Variants in PSD3 observed in about 807,000 individuals in gnomAD.
The protein encoded by PSD3 is pleckstrin and Sec7 domain containing 3.
PSD3 carries 49 observed loss-of-function variants against 105.5 expected under a neutral mutation model. That is an observed-to-expected ratio of 0.46 (90% CI 0.37 to 0.59). The LOEUF is 0.59. Among genes scored for constraint, PSD3 ranks in the 20% least tolerant of loss-of-function variants. The pLI is 0.00. For synonymous variants in PSD3, 557 were observed against 457.8 expected, an observed-to-expected ratio of 1.22 and a Z score of -2.77; for missense variants, 1,561 against 1,263.8, an observed-to-expected ratio of 1.24 and a Z score of -3.57.
At chr8:18,979,704 GTTTTTC>G (rs1435354869) in intron 1 of PSD3, 14 of 184,714 alleles carry the variant, frequency 7.6e-5, no homozygotes, top group African/African-American at 3.3e-4. Flanking sequence ...CAAGGGACAA[GTTTTTC>G]ACTAACACCA....
intron 9 of PSD3, among the ~76,000 whole-genome samples, chr8:18,657,207 C>G (rs140786146): frequency 1.3e-4 from 20 of 152,304 alleles, no homozygotes; most frequent in African/African-American, 4.1e-4. Context: ...TCCTTTCGCC[C>G]TTAACATTGT....
chr8:19,013,549 G>A lies in PSD3; in HGVS notation c.21+14C>T, dbSNP rs1554569339. 1 of 1,568,692 alleles carries A rather than the reference G, an allele frequency of 6.4e-7. No homozygotes were observed. The highest frequency in any genetic ancestry group is 8.6e-7 in the Non-Finnish European group (1 of 1,165,916). On this transcript the variant is annotated intron_variant, in intron 1 of 15. Coordinates refer to ENST00000327040, the MANE Select transcript of PSD3 (RefSeq NM_015310.4). ...GTGCGCACCCCGCGCCCGCGCCCCG[G>A]CCCCGGAGCTCACCGCTGCGCTCCT...
chr8:19,063,472 C>T (rs1039357568), intron 1 of PSD3, among the ~76,000 whole-genome samples: 1 of 152,162 alleles, frequency 6.6e-6, no homozygotes, highest in African/African-American at 2.4e-5. Context: ...ATTTCCTTAG[C>T]GCCTATCACG....
intron 11 of PSD3, among the ~76,000 whole-genome samples, chr8:18,613,909 T>C (rs920889936): frequency 6.6e-6 from 1 of 152,228 alleles, no homozygotes; most frequent in Non-Finnish European, 1.5e-5. Flanking sequence ...TATGGACTTG[T>C]GCTAAGCCGG....
chr8:18,918,177 C>T (rs999567132), intron 2 of PSD3, among the ~76,000 whole-genome samples: 2 of 152,214 alleles, frequency 1.3e-5, no homozygotes, highest in Non-Finnish European at 2.9e-5. Flanking sequence ...TCTTCTAGTT[C>T]ATTGCTCCCT....
intron 9 of PSD3, among the ~76,000 whole-genome samples, chr8:18,722,719 C>A (rs980316633): frequency 6.6e-6 from 1 of 152,124 alleles, no homozygotes; most frequent in African/African-American, 2.4e-5. Context: ...AGCATACTGA[C>A]CTCTTCGGCC....
chr8:19,023,393 CTATTTATTTATTTATTTATT>C (rs141650647), intron 1 of PSD3, among the ~76,000 whole-genome samples: 16,588 of 145,038 alleles, frequency 0.11, 959 homozygotes, highest in Non-Finnish European at 0.13. Flanking sequence ...AATATAGCCA[CTATTTATTTATTTATTTATT>C]TATTTATTTA....
At chr8:18,727,617 A>T (rs1585746796) in intron 9 of PSD3, among the ~76,000 whole-genome samples, 1 of 148,912 alleles carries the variant, frequency 6.7e-6, no homozygotes, top group African/African-American at 2.5e-5. Flanking sequence ...ATTCATCTTT[A>T]CCTCTCTGCC....
intron 9 of PSD3, among the ~76,000 whole-genome samples, chr8:18,668,081 C>T (rs1799583673): frequency 6.6e-6 from 1 of 152,220 alleles, no homozygotes; most frequent in Middle Eastern, 3.2e-3. Flanking sequence ...CACCTCCCAG[C>T]AAGCTGAGGG....
chr8:18,982,364 ACTT>A (rs1211417697), intron 1 of PSD3, among the ~76,000 whole-genome samples: 1 of 152,122 alleles, frequency 6.6e-6, no homozygotes, highest in Admixed American at 6.6e-5. Flanking sequence ...GTTGGAATCA[ACTT>A]CTTCTAAACT....
At position 18,780,113 on chromosome 8, in the gene PSD3, C is replaced by A. The variant is rs140535477; in HGVS notation, c.2083-14575G>T. Among the ~76,000 whole-genome samples the A allele has an allele frequency of 3.0e-4, 45 of 152,232 alleles. No individual in the cohort carries two copies. The East Asian group carries it at 8.5e-3, about 29-fold the overall frequency. On this transcript the variant is annotated intron_variant, in intron 8 of 15. Coordinates refer to ENST00000327040, the MANE Select transcript of PSD3 (RefSeq NM_015310.4). ...TATATCTGCATGCTCCAGTGTTGGGCGCACAAATATTTAGAATTGTTTAAT... is the reference window on the plus strand; with the variant it reads ...TATATCTGCATGCTCCAGTGTTGGGAGCACAAATATTTAGAATTGTTTAAT...
intron 1 of PSD3, among the ~76,000 whole-genome samples, chr8:18,936,923 T>C (rs1471862416): frequency 6.6e-6 from 1 of 152,104 alleles, no homozygotes; most frequent in Admixed American, 6.6e-5. Flanking sequence ...TTTTATATAA[T>C]CAGGAACACC....
At chr8:18,974,525 C>CA (rs1180307438) in intron 1 of PSD3, among the ~76,000 whole-genome samples, 3 of 152,136 alleles carry the variant, frequency 2.0e-5, no homozygotes, top group Non-Finnish European at 4.4e-5. Context: ...AATCCTGTGC[C>CA]ATTCGGCAAG....
At chr8:18,984,495 A>G (rs1384878025) in intron 1 of PSD3, among the ~76,000 whole-genome samples, 1 of 152,140 alleles carries the variant, frequency 6.6e-6, no homozygotes, top group Non-Finnish European at 1.5e-5. Context: ...CATTAAAAAT[A>G]CCAAAAAAAT....
At chr8:18,908,932 G>A (rs1820022788) in intron 2 of PSD3, among the ~76,000 whole-genome samples, 1 of 152,144 alleles carries the variant, frequency 6.6e-6, no homozygotes, top group African/African-American at 2.4e-5. Flanking sequence ...TAGGAAACCT[G>A]CAGCCACACA....
chr8:18,845,559 G>A (rs1815015409), intron 4 of PSD3, among the ~76,000 whole-genome samples: 1 of 152,192 alleles, frequency 6.6e-6, no homozygotes, highest in Non-Finnish European at 1.5e-5. Context: ...ACCCATGAGG[G>A]CCGCTGGACC....
intron 1 of PSD3, among the ~76,000 whole-genome samples, chr8:18,992,063 G>T (rs774188734): frequency 6.6e-6 from 1 of 152,142 alleles, no homozygotes; most frequent in East Asian, 1.9e-4. Context: ...ATTCCATCAT[G>T]AATTCATAAT....
intron 2 of PSD3, among the ~76,000 whole-genome samples, chr8:18,892,546 G>A (rs948474791): frequency 3.3e-5 from 5 of 151,256 alleles, no homozygotes; most frequent in East Asian, 2.0e-4. Context: ...ATGAACACAC[G>A]ATGTATCATC....
intron 9 of PSD3, among the ~76,000 whole-genome samples, chr8:18,717,716 CAGTT>C (rs1802691822): frequency 6.6e-6 from 1 of 152,188 alleles, no homozygotes; most frequent in Admixed American, 6.5e-5. Context: ...CTTTTTGACT[CAGTT>C]AGAAAGATAA....
Sources: gnomAD v4.1 joint callset for allele counts (sites outside exome capture counted in the v4.1 genomes callset) on GRCh38, gnomAD v4.1.1 for gene constraint, MANE v1.5 for transcripts, NCBI Gene and HGNC (gene_info 2026-07-23, HGNC 2026-07-21) for gene names.